The following SIN3A variants were observed in gnomAD, a reference collection of about 807,000 sequenced individuals.
SIN3A encodes SIN3 transcription regulator family member A.
SIN3A carries 14 observed loss-of-function variants against 146.1 expected under a neutral mutation model. The ratio of observed to expected loss-of-function variants is 0.10; its 90% CI spans 0.06 to 0.15. The LOEUF is 0.15. SIN3A is among the 10% of genes least tolerant of loss of function. SIN3A has a pLI of 1.00. For missense variants in SIN3A, 1,028 were observed against 1,576.0 expected (o/e 0.65, Z 5.89); for synonymous variants, 572 against 572.0 (o/e 1.00, Z 0.00).
intron 16 of SIN3A, among the ~76,000 whole-genome samples, chr15:75,386,454 C>T (rs1345688447): frequency 6.6e-6 from 1 of 152,178 alleles, no homozygotes; most frequent in Non-Finnish European, 1.5e-5. Flanking sequence ...TACGGAACTC[C>T]CACCCCCACT....
chr15:75,453,492 A>G (rs917933258), upstream of SIN3A: 5 of 152,242 alleles, frequency 3.3e-5, no homozygotes, highest in African/African-American at 4.8e-5. Flanking sequence ...CATTCCCACC[A>G]TGGTATCAAG....
intron 9 of SIN3A, among the ~76,000 whole-genome samples, chr15:75,405,040 A>C (rs1287218679): frequency 6.6e-6 from 1 of 151,982 alleles, no homozygotes; most frequent in East Asian, 1.9e-4. Flanking sequence ...CCAGCTACTC[A>C]GGAGGGTAAG....
In SIN3A at chr15:75,412,835, G is replaced by C; in HGVS notation, c.684C>G (p.Ser228=). ...CTGGGGCTGACTGGGCTGAAGGCTG[G>C]GAAGGATGTTGGGGTGGTGGTTGAG... ...PQPQPPPQHP[S]QPSAQSAPAP... Residue 228 remains serine, a synonymous_variant, in exon 5 of 21, where the codon TCC becomes TCG. Coordinates refer to ENST00000394947, the MANE Select transcript of SIN3A (RefSeq NM_001145358.2). 5 of 1,612,330 alleles carry C rather than the reference G, an allele frequency of 3.1e-6. No homozygotes were observed. The highest frequency in any genetic ancestry group is 1.7e-5 in the Admixed American group (1 of 59,886).
chr15:75,374,893 C>T (rs911705417), intron 20 of SIN3A, among the ~76,000 whole-genome samples: 1 of 152,172 alleles, frequency 6.6e-6, no homozygotes, highest in Non-Finnish European at 1.5e-5. Flanking sequence ...TAGTGCATAT[C>T]ATCGCATTAC....
chr15:75,415,054 T>A (rs550858540), intron 3 of SIN3A, among the ~76,000 whole-genome samples: 3 of 152,202 alleles, frequency 2.0e-5, no homozygotes, highest in Non-Finnish European at 2.9e-5. Context: ...CAATTTAGAT[T>A]TTTATCATCT....
chr15:75,399,109 G>C (rs961536865), intron 12 of SIN3A, among the ~76,000 whole-genome samples: 2 of 151,996 alleles, frequency 1.3e-5, no homozygotes, highest in African/African-American at 4.8e-5. Flanking sequence ...GCGGGTAGGG[G>C]TGGGGGTCTG....
intron 9 of SIN3A, among the ~76,000 whole-genome samples, chr15:75,403,480 A>G (rs1016302499): frequency 1.3e-5 from 2 of 151,736 alleles, no homozygotes; most frequent in Non-Finnish European, 2.9e-5. Context: ...CTCGGAGTAT[A>G]CCTTCTCATA....
chr15:75,434,322 C>T (rs947311209), intron 1 of SIN3A, among the ~76,000 whole-genome samples: 15 of 152,160 alleles, frequency 9.9e-5, no homozygotes, highest in Non-Finnish European at 1.8e-4. Context: ...CCCTTGCCCT[C>T]TAAAACCATA....
rs2072879579 is a variant in SIN3A, at chr15:75,377,265, C to G, written c.3384-1393G>C. On this transcript the variant is annotated intron_variant, in intron 19 of 20. Coordinates refer to ENST00000394947, the MANE Select transcript of SIN3A (RefSeq NM_001145358.2). ...TTTGCACCTTCATGCGACTGCAATT[C>G]AAGTCTTTGAACTTCACACTGACCA... Among the ~76,000 whole-genome samples, 5 of 152,110 alleles carry G rather than the reference C, an allele frequency of 3.3e-5. No individual in the cohort carries two copies. In the South Asian group the frequency reaches 8.3e-4, roughly 25 times the overall value.
intron 1 of SIN3A, among the ~76,000 whole-genome samples, chr15:75,437,924 GAGGA>G (rs368138454): frequency 3.9e-5 from 6 of 152,174 alleles, no homozygotes; most frequent in African/African-American, 1.4e-4. Context: ...GGTGACTGAG[GAGGA>G]AGGATCATTT....
At chr15:75,435,428 T>C (rs573257681) in intron 1 of SIN3A, among the ~76,000 whole-genome samples, 1 of 152,324 alleles carries the variant, frequency 6.6e-6, no homozygotes, top group African/African-American at 2.4e-5. Context: ...CCGGATGCAG[T>C]GGCTTACGCT....
intron 6 of SIN3A, among the ~76,000 whole-genome samples, chr15:75,410,675 T>G (rs548060335): frequency 3.9e-5 from 6 of 152,094 alleles, no homozygotes; most frequent in Non-Finnish European, 7.4e-5. Context: ...CTCCTCCTAC[T>G]GTACATTAAC....
At chr15:75,391,558 G>A (rs555428898) in intron 15 of SIN3A, among the ~76,000 whole-genome samples, 1 of 150,708 alleles carries the variant, frequency 6.6e-6, no homozygotes, top group South Asian at 2.1e-4. Context: ...ATTTCCTTAA[G>A]AGCCCAGAAG....
intron 19 of SIN3A, among the ~76,000 whole-genome samples, chr15:75,379,888 T>C (rs146996775): frequency 1.3e-5 from 2 of 152,360 alleles, no homozygotes; most frequent in African/African-American, 2.4e-5. Context: ...AGGCCTAAGA[T>C]TGCTATTCTT....
chr15:75,380,599 G>T, intron 19 of SIN3A, 30 bp downstream of exon 19: 1 of 1,483,272 alleles, frequency 6.7e-7, no homozygotes, highest in South Asian at 1.1e-5. Context: ...GCACAGTATG[G>T]ACTGCTGACA....
rs763714161 is a variant in SIN3A at position 75,371,909 on chromosome 15, A to C, written c.*70T>G. 12 of 1,347,206 alleles carry C rather than the reference A, an allele frequency of 8.9e-6. No individual in the cohort carries two copies. The highest frequency in any genetic ancestry group is 1.4e-5 in the African/African-American group (1 of 69,304). 83.5% of individuals were successfully genotyped at this position (1,347,206 alleles called of 1,614,324 possible). A position where few individuals can be genotyped will look rare whatever the true frequency, so the allele number is the denominator to read the frequency against. ...TGAAAGGCATCTTCCTTGTTTCTTCAGTGTGTGAGTGCATAGGCCCACACA... is the reference window on the plus strand; with the variant it reads ...TGAAAGGCATCTTCCTTGTTTCTTCCGTGTGTGAGTGCATAGGCCCACACA... On this transcript the variant is annotated 3_prime_UTR_variant, in exon 21 of 21. Coordinates refer to ENST00000394947, the MANE Select transcript of SIN3A (RefSeq NM_001145358.2).
At chr15:75,379,537 T>C (rs1327878070) in intron 19 of SIN3A, among the ~76,000 whole-genome samples, 2 of 152,252 alleles carry the variant, frequency 1.3e-5, no homozygotes. Context: ...AGTATGTTAT[T>C]AGCATGGAGC....
At chr15:75,372,860 A>C (rs921195641) in intron 20 of SIN3A, among the ~76,000 whole-genome samples, 25 of 149,028 alleles carry the variant, frequency 1.7e-4, no homozygotes, top group African/African-American at 5.4e-4. Flanking sequence ...CCCAAAACCC[A>C]CATTTCCTTG....
intron 2 of SIN3A, among the ~76,000 whole-genome samples, chr15:75,429,023 T>C (rs1011561400): frequency 2.6e-5 from 4 of 152,356 alleles, no homozygotes; most frequent in East Asian, 1.9e-4. Context: ...TTTAAGAATA[T>C]AGTATATGAC....
Sources: allele counts gnomAD v4.1 joint callset (sites outside exome capture counted in the v4.1 genomes callset), GRCh38; gene constraint gnomAD v4.1.1; transcripts MANE v1.5; gene names NCBI Gene and HGNC (gene_info 2026-07-23, HGNC 2026-07-21).